Variants in GIGYF2 observed in about 807,000 individuals in gnomAD.
GIGYF2 encodes GRB10-interacting GYF protein 2.
GIGYF2 carries 25 observed loss-of-function variants against 208.1 expected under a neutral mutation model. The observed-to-expected ratio is 0.12, with a 90% confidence interval of 0.09 to 0.17. GIGYF2 has a LOEUF of 0.17. Ranked by LOEUF, GIGYF2 falls within the 10% of genes least tolerant of loss-of-function variation. GIGYF2 has a pLI of 1.00. For missense variants in GIGYF2, 1,302 were observed against 1,579.4 expected, an observed-to-expected ratio of 0.82 and a Z score of 2.98; for synonymous variants, 534 against 543.8, an observed-to-expected ratio of 0.98 and a Z score of 0.25.
intron 22 of GIGYF2, among the ~76,000 whole-genome samples, chr2:232,835,320 A>G (rs1169135228): frequency 2.0e-5 from 3 of 152,106 alleles, no homozygotes; most frequent in Non-Finnish European, 4.4e-5. Context: ...AATATCATCT[A>G]TCTCTTTATC....
chr2:232,739,368 C>A lies in GIGYF2; in HGVS notation c.41+4130C>A, dbSNP rs1246539415. Among the ~76,000 whole-genome samples, 32 of 135,840 alleles carry A rather than the reference C, an allele frequency of 2.4e-4. 3 individuals are homozygous for A. The highest frequency in any genetic ancestry group is 1.2e-3 in the Admixed American group (16 of 13,736). 89.1% of individuals were successfully genotyped at this position (135,840 alleles called of 152,430 possible). A position where few individuals can be genotyped will look rare whatever the true frequency, so the allele number is the denominator to read the frequency against. On this transcript the variant is annotated intron_variant, in intron 3 of 28. Transcript: ENST00000373563. ...CCTGGGCAACAAAAGCAAACCCCCC[C>A]CCCCCCGCAAAAAAAAAGAAAAGGG...
intron 2 of GIGYF2, among the ~76,000 whole-genome samples, chr2:232,722,264 C>A (rs899261961): frequency 6.6e-6 from 1 of 152,104 alleles, no homozygotes; most frequent in African/African-American, 2.4e-5. Context: ...GTTTTCATGG[C>A]TGGGGAGGCC....
intron 21 of GIGYF2, among the ~76,000 whole-genome samples, chr2:232,829,235 TTTA>T: frequency 6.6e-6 from 1 of 152,306 alleles, no homozygotes; most frequent in South Asian, 2.1e-4. Flanking sequence ...TAGTGAACCT[TTTA>T]TTGTTACGAA....
At chr2:232,772,147 C>G (rs774200582) in intron 8 of GIGYF2, among the ~76,000 whole-genome samples, 3 of 152,160 alleles carry the variant, frequency 2.0e-5, no homozygotes, top group Non-Finnish European at 4.4e-5. Context: ...CTCCTGTTCT[C>G]AAGCCATCTT....
chr2:232,851,864 G>A (rs1214470533), intron 28 of GIGYF2, among the ~76,000 whole-genome samples: 1 of 152,210 alleles, frequency 6.6e-6, no homozygotes, highest in Non-Finnish European at 1.5e-5. Context: ...TATAGACTAG[G>A]TAAAAGATAC....
chr2:232,844,509 T>C lies in GIGYF2; in HGVS notation c.3240T>C (p.Asp1080=). The change falls in exon 25 of 29, where the codon GAT becomes GAC. Residue 1080 remains aspartate, a synonymous_variant. Coordinates refer to ENST00000373563, the MANE Select transcript of GIGYF2 (RefSeq NM_001103146.3). ...AAAACTCCAACATGGGATTCTGGGA[T>C]GATGCAGTGAAAGAGGTGGGACCTA... is the stretch of plus-strand genomic sequence containing the variant. ...DTKNSNMGFW[D]DAVKEVGPRN... 6.2e-7 allele frequency: 1 copy of C among 1,613,900 alleles called. No homozygotes were observed. The highest frequency in any genetic ancestry group is 1.1e-5 in the South Asian group (1 of 91,072).
chr2:232,766,067 C>T (rs1322008456), intron 8 of GIGYF2: 4 of 470,092 alleles, frequency 8.5e-6, no homozygotes, highest in African/African-American at 6.0e-5. Flanking sequence ...CTTCCTTTTC[C>T]TCAGAGGATA....
At chr2:232,785,887 G>A (rs1482237886) in intron 8 of GIGYF2, among the ~76,000 whole-genome samples, 1 of 152,154 alleles carries the variant, frequency 6.6e-6, no homozygotes, top group African/African-American at 2.4e-5. Context: ...TTAATTAAAA[G>A]GATTGAGTTT....
chr2:232,749,112 C>T (rs1460552369), intron 5 of GIGYF2, 30 bp downstream of exon 5: 1 of 1,064,522 alleles, frequency 9.4e-7, no homozygotes, highest in African/African-American at 1.6e-5. Context: ...CCCCAGCAAA[C>T]TCTTATTCTT....
At chr2:232,724,938 G>A (rs557453481) in intron 2 of GIGYF2, among the ~76,000 whole-genome samples, 77 of 152,216 alleles carry the variant, frequency 5.1e-4, no homozygotes, top group Non-Finnish European at 8.8e-4. Flanking sequence ...AACTTAATAG[G>A]AAAAGAGAAT....
At chr2:232,753,101 T>G (rs13426191) in intron 5 of GIGYF2, among the ~76,000 whole-genome samples, 6,005 of 108,500 alleles carry the variant, frequency 0.055, 129 homozygotes, top group Non-Finnish European at 0.071. Flanking sequence ...TTGACAGTAT[T>G]TATTTATTTA....
intron 9 of GIGYF2, chr2:232,787,986 T>C (rs1357044482): frequency 6.4e-6 from 1 of 156,252 alleles, no homozygotes; most frequent in Non-Finnish European, 1.4e-5. Flanking sequence ...TTAAAGTTCA[T>C]CCTGTACCAC....
At chr2:232,839,790 CTTCT>C in intron 22 of GIGYF2, 55 bp from the exon 23 acceptor site, 1 of 1,578,662 alleles carries the variant, frequency 6.3e-7, no homozygotes. Context: ...TGCATTATTG[CTTCT>C]TTGTTTCCTG....
At chr2:232,734,788 T>C (rs996501612) in intron 2 of GIGYF2, among the ~76,000 whole-genome samples, 1 of 152,210 alleles carries the variant, frequency 6.6e-6, no homozygotes, top group Admixed American at 6.5e-5. Context: ...GGAAGTAATA[T>C]GAACTAAAAT....
intron 28 of GIGYF2, among the ~76,000 whole-genome samples, chr2:232,851,954 CT>C (rs1690351644): frequency 6.6e-6 from 1 of 152,146 alleles, no homozygotes; most frequent in Admixed American, 6.5e-5. Context: ...ATAGAATTAA[CT>C]GGACAAGAAG....
At chr2:232,855,294 G>A (rs1690521732) in intron 28 of GIGYF2, among the ~76,000 whole-genome samples, 1 of 152,012 alleles carries the variant, frequency 6.6e-6, no homozygotes, top group Admixed American at 6.6e-5. Context: ...TGCCATGTTG[G>A]CCAGTCTGGT....
chr2:232,841,476 T>C (rs1353409243), intron 23 of GIGYF2, among the ~76,000 whole-genome samples: 1 of 109,684 alleles, frequency 9.1e-6, no homozygotes, highest in African/African-American at 3.7e-5. Flanking sequence ...TTTTTTTTTT[T>C]TTTTTTTTAA....
intron 5 of GIGYF2, among the ~76,000 whole-genome samples, chr2:232,754,967 A>T (rs558422878): frequency 6.6e-6 from 1 of 152,108 alleles, no homozygotes; most frequent in Admixed American, 6.5e-5. Context: ...TTCTGAAAAA[A>T]CTAGCTAGGA....
intron 2 of GIGYF2, among the ~76,000 whole-genome samples, chr2:232,714,564 A>G (rs1347640146): frequency 6.6e-6 from 1 of 152,216 alleles, no homozygotes; most frequent in Non-Finnish European, 1.5e-5. Context: ...TATTTTAAGT[A>G]TACTCATTAA....
Sources: gnomAD v4.1 joint callset for allele counts (sites outside exome capture counted in the v4.1 genomes callset) on GRCh38, gnomAD v4.1.1 for gene constraint, MANE v1.5 for transcripts, NCBI Gene and HGNC (gene_info 2026-07-23, HGNC 2026-07-21) for gene names.